Variants in DENND1A observed in about 807,000 individuals in gnomAD.
The protein encoded by DENND1A is DENN domain containing 1A, also known as DENN domain-containing protein 1A.
A neutral mutation model predicts 113.7 loss-of-function variants in DENND1A; 51 were observed. That is an observed-to-expected ratio of 0.45 (90% CI 0.36 to 0.57). The LOEUF is 0.57. Ranked by LOEUF, DENND1A falls within the 20% of genes least tolerant of loss-of-function variation. DENND1A has a pLI of 0.00. For synonymous variants in DENND1A, 565 were observed against 570.8 expected (o/e 0.99, Z 0.14); for missense variants, 1,258 against 1,395.9 (o/e 0.90, Z 1.57).
chr9:123,716,139 T>C (rs537224754), intron 5 of DENND1A, among the ~76,000 whole-genome samples: 1 of 152,306 alleles, frequency 6.6e-6, no homozygotes, highest in African/African-American at 2.4e-5. Flanking sequence ...ACAAAGATAC[T>C]GTAAGCAATT....
At chr9:123,753,449 C>T (rs1331461623) in intron 5 of DENND1A, among the ~76,000 whole-genome samples, 1 of 152,234 alleles carries the variant, frequency 6.6e-6, no homozygotes, top group Non-Finnish European at 1.5e-5. Flanking sequence ...GACAAAATGT[C>T]TATCACTCAA....
chr9:123,466,806 G>A (rs568819217), intron 13 of DENND1A, among the ~76,000 whole-genome samples: 11 of 152,100 alleles, frequency 7.2e-5, no homozygotes, highest in Admixed American at 1.3e-4. Context: ...AGGCTGAGTG[G>A]GGAGGATCTC....
chr9:123,903,712 G>A (rs971290462), intron 1 of DENND1A, among the ~76,000 whole-genome samples: 1 of 152,240 alleles, frequency 6.6e-6, no homozygotes, highest in African/African-American at 2.4e-5. Flanking sequence ...ACCTGGCTCA[G>A]AGGGTCCTAC....
intron 2 of DENND1A, among the ~76,000 whole-genome samples, chr9:123,818,545 CACACACACACACACACACACACAT>C (rs1345567600): frequency 1.6e-4 from 23 of 148,058 alleles, no homozygotes; most frequent in East Asian, 9.9e-4. Context: ...CACACACACA[CACACACACACACACACACACACAT>C]ATATATATAT....
chr9:123,697,813 G>C (rs1348911905), intron 5 of DENND1A, among the ~76,000 whole-genome samples: 1 of 152,164 alleles, frequency 6.6e-6, no homozygotes, highest in Admixed American at 6.5e-5. Flanking sequence ...TAGAGCTGCT[G>C]TGCTTTTTTG....
rs187432638 is a variant in DENND1A at position 123,509,808 on chromosome 9, C to G, written c.993+47762G>C. Among the ~76,000 whole-genome samples, 16 of 152,302 alleles carry G rather than the reference C, an allele frequency of 1.1e-4. No individual in the cohort carries two copies. The East Asian group carries it at 3.1e-3, about 29-fold the overall frequency. On this transcript the variant is annotated intron_variant, in intron 13 of 23. Transcript: ENST00000394215. ...ACTCCAATCCTGAACACTTCTTTCCCCCACCCTTTGGCCTGCTGCATTCTT... is the reference window on the plus strand; with the variant it reads ...ACTCCAATCCTGAACACTTCTTTCCGCCACCCTTTGGCCTGCTGCATTCTT...
chr9:123,676,913 A>T, intron 5 of DENND1A, 124 bp from the exon 6 acceptor site: 1 of 871,146 alleles, frequency 1.1e-6, no homozygotes, highest in Non-Finnish European at 1.9e-6. Context: ...CCTGTCACAG[A>T]CTGGTGGAAA....
In DENND1A at chr9:123,738,443, C is replaced by CTGTGTGTGTGTG. The variant is rs59851560; in HGVS notation, c.302+19248_302+19259dup. ...TGAAAAACTGCCGTGTCAACAGCTT[C>CTGTGTGTGTGTG]TGTGTGTGTGTGTGTGTGTGTGTGT... On this transcript the variant is annotated intron_variant, in intron 5 of 23. Coordinates refer to ENST00000394215, the MANE Select transcript of DENND1A (RefSeq NM_001352964.2). Among the ~76,000 whole-genome samples the CTGTGTGTGTGTG allele has an allele frequency of 2.2e-3, 311 of 143,432 alleles. 1 individual carries two copies. Among genetic ancestry groups the CTGTGTGTGTGTG allele is most frequent in the African/African-American group, 6.8e-3 (269 of 39,298 alleles). 94.1% of individuals were successfully genotyped at this position (143,432 alleles called of 152,430 possible).
At chr9:123,615,644 G>A (rs1007764421) in intron 10 of DENND1A, among the ~76,000 whole-genome samples, 2 of 152,216 alleles carry the variant, frequency 1.3e-5, no homozygotes, top group African/African-American at 4.8e-5. Flanking sequence ...CATGCTGCCT[G>A]CCTCTCAGAT....
chr9:123,645,431 C>A (rs1349528883), intron 9 of DENND1A, among the ~76,000 whole-genome samples: 1 of 152,086 alleles, frequency 6.6e-6, no homozygotes, highest in Non-Finnish European at 1.5e-5. Context: ...CCGCACCAGC[C>A]CCCATCTAAA....
At chr9:123,532,097 C>T (rs1484144127) in intron 13 of DENND1A, among the ~76,000 whole-genome samples, 1 of 152,128 alleles carries the variant, frequency 6.6e-6, no homozygotes, top group Non-Finnish European at 1.5e-5. Flanking sequence ...ATAGGTGAAA[C>T]CCTGTACAAT....
chr9:123,772,197 T>C (rs904122483), intron 3 of DENND1A, among the ~76,000 whole-genome samples: 1 of 152,232 alleles, frequency 6.6e-6, no homozygotes, highest in Non-Finnish European at 1.5e-5. Context: ...CCCATTTTCT[T>C]AATACTGATG....
intron 19 of DENND1A, 38 bp downstream of exon 19, chr9:123,440,322 A>G (rs1298356048): frequency 1.3e-6 from 2 of 1,569,496 alleles, no homozygotes; most frequent in Non-Finnish European, 1.7e-6. Context: ...AAATAAAAAA[A>G]AAACAAAACA....
At chr9:123,813,063 C>T (rs912131309) in intron 2 of DENND1A, among the ~76,000 whole-genome samples, 2 of 152,142 alleles carry the variant, frequency 1.3e-5, no homozygotes, top group African/African-American at 2.4e-5. Context: ...GATCCTCCCA[C>T]CTCAGCCTCT....
intron 4 of DENND1A, among the ~76,000 whole-genome samples, chr9:123,767,844 CAAG>C (rs1829071148): frequency 6.6e-6 from 1 of 152,176 alleles, no homozygotes; most frequent in African/African-American, 2.4e-5. Flanking sequence ...ACCACTCTAA[CAAG>C]AAGTCATGTA....
intron 13 of DENND1A, among the ~76,000 whole-genome samples, chr9:123,502,065 A>C (rs989412907): frequency 2.0e-5 from 3 of 151,928 alleles, no homozygotes; most frequent in African/African-American, 7.3e-5. Flanking sequence ...ATCTCCTATT[A>C]GTTCTGTCCC....
At position 123,773,405 on chromosome 9, in the gene DENND1A, G is replaced by A. The variant is rs182376055; in HGVS notation, c.133-3842C>T. ...AATTCTAATTCTCATCCGGTCAGAA[G>A]GCCCGAATTTACTCCAATCTGGAGA... is the stretch of plus-strand genomic sequence containing the variant. On this transcript the variant is annotated intron_variant, in intron 3 of 23. Coordinates refer to ENST00000394215, the MANE Select transcript of DENND1A (RefSeq NM_001352964.2). Among the ~76,000 whole-genome samples, 3 of 152,252 alleles carry A rather than the reference G, an allele frequency of 2.0e-5. No homozygotes were observed. In the East Asian group the frequency reaches 5.8e-4, roughly 29 times the overall value.
intron 5 of DENND1A, among the ~76,000 whole-genome samples, chr9:123,690,425 T>A (rs1022191436): frequency 6.6e-6 from 1 of 152,122 alleles, no homozygotes; most frequent in African/African-American, 2.4e-5. Flanking sequence ...CCTAAATGTA[T>A]AATAATAGAA....
At chr9:123,852,141 A>G (rs935655654) in intron 2 of DENND1A, among the ~76,000 whole-genome samples, 3 of 152,164 alleles carry the variant, frequency 2.0e-5, no homozygotes, top group Non-Finnish European at 2.9e-5. Flanking sequence ...TCTGGGGAAG[A>G]GTGGTGGTGG....
Sources: allele counts gnomAD v4.1 joint callset (sites outside exome capture counted in the v4.1 genomes callset), GRCh38; gene constraint gnomAD v4.1.1; transcripts MANE v1.5; gene names NCBI Gene and HGNC (gene_info 2026-07-23, HGNC 2026-07-21).